SAFB: variants seen among roughly 807,000 people sequenced by gnomAD.
The protein encoded by SAFB is scaffold attachment factor B, also known as scaffold attachment factor B1.
A neutral mutation model predicts 101.6 loss-of-function variants in SAFB; 15 were observed. That is an observed-to-expected ratio of 0.15 (90% CI 0.10 to 0.23). The LOEUF is 0.23. Ranked by LOEUF, SAFB falls within the 10% of genes least tolerant of loss-of-function variation. The probability of loss-of-function intolerance (pLI) is 1.00; values close to 1 mark genes in which losing one functional copy is unlikely to be tolerated. For missense variants in SAFB, 930 were observed against 1,104.1 expected (o/e 0.84, Z 2.23); for synonymous variants, 449 against 407.5 (o/e 1.10, Z -1.23).
intron 2 of SAFB, among the ~76,000 whole-genome samples, chr19:5,633,687 G>A (rs1396874790): frequency 5.9e-5 from 9 of 152,064 alleles, no homozygotes; most frequent in Non-Finnish European, 1.3e-4. Flanking sequence ...GCTGAGGCAG[G>A]AGAATGGCGT....
intron 10 of SAFB, 26 bp from the exon 11 acceptor site, chr19:5,653,312 G>C: frequency 6.2e-7 from 1 of 1,614,030 alleles, no homozygotes; most frequent in Non-Finnish European, 8.5e-7. Context: ...TAGGAAATGG[G>C]GGTAATACTT....
chr19:5,630,493 G>A (rs2053465812), intron 2 of SAFB, among the ~76,000 whole-genome samples: 1 of 152,170 alleles, frequency 6.6e-6, no homozygotes, highest in African/African-American at 2.4e-5. Flanking sequence ...TGTAAGGCCA[G>A]GTGCGGTGGC....
chr19:5,644,840 G>A (rs1296037783), intron 4 of SAFB, among the ~76,000 whole-genome samples: 4 of 152,134 alleles, frequency 2.6e-5, no homozygotes, highest in East Asian at 1.9e-4. Flanking sequence ...TGCCAGTCTC[G>A]AGCTCCTGTC....
At chr19:5,624,720 C>G (rs1215483050) in intron 1 of SAFB, among the ~76,000 whole-genome samples, 1 of 149,628 alleles carries the variant, frequency 6.7e-6, no homozygotes, top group African/African-American at 2.5e-5. Context: ...GATGAGAAAC[C>G]CTGGGCTCAA....
chr19:5,660,341 C>CT (rs1319670285), intron 14 of SAFB, among the ~76,000 whole-genome samples: 4 of 107,160 alleles, frequency 3.7e-5, no homozygotes, highest in South Asian at 3.3e-4. Context: ...CCTGCACACA[C>CT]CTTTTTTTTT....
intron 2 of SAFB, among the ~76,000 whole-genome samples, chr19:5,632,491 C>G (rs1054711793): frequency 3.3e-5 from 5 of 152,168 alleles, no homozygotes; most frequent in African/African-American, 1.2e-4. Context: ...ACTGCCACCT[C>G]GTCTTAGTCC....
At chr19:5,664,768 G>C in intron 17 of SAFB, 1 of 308,828 alleles carries the variant, frequency 3.2e-6, no homozygotes, top group South Asian at 3.1e-5. Context: ...GAGCCGCACA[G>C]CTGACTCAGA....
At chr19:5,640,738 C>A (rs574186574) in intron 2 of SAFB, among the ~76,000 whole-genome samples, 3 of 151,864 alleles carry the variant, frequency 2.0e-5, no homozygotes, top group African/African-American at 7.2e-5. Flanking sequence ...TACTGGCAAC[C>A]GCCACCACAA....
chr19:5,664,495 C>T lies in SAFB; in HGVS notation c.2334+56C>T, dbSNP rs554006670. ...AATTTCCCATAGAATGGGTTCTTTTCCCTTCAGCGTGCCTTCTTCCTGCCC... is the reference window on the plus strand; with the variant it reads ...AATTTCCCATAGAATGGGTTCTTTTTCCTTCAGCGTGCCTTCTTCCTGCCC... On this transcript the variant is annotated intron_variant, in intron 17 of 20. Transcript: ENST00000588852. The T allele has an allele frequency of 1.2e-5, 16 of 1,358,906 alleles. No homozygotes were observed. In the South Asian group the frequency reaches 1.5e-4, roughly 13 times the overall value. The allele number at this position is 1,358,906 out of a possible 1,614,324, so 84.2% of individuals were successfully genotyped here.
At chr19:5,633,290 T>C (rs1257357176) in intron 2 of SAFB, among the ~76,000 whole-genome samples, 1 of 152,256 alleles carries the variant, frequency 6.6e-6, no homozygotes, top group Non-Finnish European at 1.5e-5. Context: ...TACTACAATG[T>C]GCAAAACGTT....
chr19:5,628,964 A>C (rs2053428703), intron 2 of SAFB, among the ~76,000 whole-genome samples: 1 of 151,974 alleles, frequency 6.6e-6, no homozygotes, highest in African/African-American at 2.4e-5. Context: ...GTGGGTTCTC[A>C]CTCTGTCACT....
At chr19:5,641,460 G>A (rs767287844) in intron 2 of SAFB, 134 bp from the exon 3 acceptor site, 1 of 712,668 alleles carries the variant, frequency 1.4e-6, no homozygotes, top group Non-Finnish European at 2.5e-6. Flanking sequence ...CTCATTCCTG[G>A]ATTAGGAAGT....
rs899578515 is a variant in SAFB at position 5,667,673 on chromosome 19, A to G, written c.2558-147A>G. 7.8e-5 allele frequency: 61 copies of G among 780,552 alleles called. No homozygotes were observed. Among genetic ancestry groups the G allele is most frequent in the South Asian group, 1.6e-4 (10 of 60,706 alleles). The allele number at this position is 780,552 out of a possible 1,614,324, so 48.4% of individuals were successfully genotyped here. On this transcript the variant is annotated intron_variant, in intron 19 of 20. Transcript: ENST00000588852. This position sits in a 1 kb window ranked among gnomAD's most constrained non-coding sequence, Gnocchi z 4.0. Reference sequence around the variant, plus strand: ...TCTGCTGGGAGGAAGCTGGACGTCTATGGTCCCTGTGCCCAGGTGTCTTCC... The same window carrying G: ...TCTGCTGGGAGGAAGCTGGACGTCTGTGGTCCCTGTGCCCAGGTGTCTTCC...
chr19:5,645,019 A>G (rs1271019560), intron 4 of SAFB, among the ~76,000 whole-genome samples: 2 of 152,252 alleles, frequency 1.3e-5, no homozygotes, highest in Admixed American at 6.5e-5. Context: ...CCCTGTGCTC[A>G]GATCCACTTA....
intron 2 of SAFB, among the ~76,000 whole-genome samples, chr19:5,634,287 A>C (rs1034622331): frequency 1.3e-5 from 2 of 152,042 alleles, no homozygotes. Context: ...AATGTGTTCC[A>C]TAATAGTCTA....
chr19:5,667,517 TTC>T lies in SAFB; in HGVS notation c.2557+72_2557+73del. On this transcript the variant is annotated intron_variant, in intron 19 of 20. Transcript: ENST00000588852. The surrounding 1 kb of genome is among the most constrained non-coding windows in gnomAD (Gnocchi z 4.0). Reference sequence around the variant, plus strand: ...GTGATGGAAAGATGGAGGCCGCGCCTTCTCTCCTTGGGGGAGCACAGGAGGTG... The same window carrying T: ...GTGATGGAAAGATGGAGGCCGCGCCTTCTCCTTGGGGGAGCACAGGAGGTG... The T allele has an allele frequency of 1.6e-5, 18 of 1,159,922 alleles. No individual in the cohort carries two copies. Among genetic ancestry groups the T allele is most frequent in the Non-Finnish European group, 2.1e-5 (17 of 816,600 alleles). The allele number at this position is 1,159,922 out of a possible 1,614,324, so 71.9% of individuals were successfully genotyped here. A position where few individuals can be genotyped will look rare whatever the true frequency, so the allele number is the denominator to read the frequency against.
At chr19:5,635,817 G>A (rs1403619213) in intron 2 of SAFB, among the ~76,000 whole-genome samples, 1 of 152,098 alleles carries the variant, frequency 6.6e-6, no homozygotes, top group African/African-American at 2.4e-5. Flanking sequence ...ACAAACTAGG[G>A]TGAAGAGCTG....
chr19:5,647,486 G>C (rs1000800858), intron 5 of SAFB, among the ~76,000 whole-genome samples: 3 of 152,190 alleles, frequency 2.0e-5, no homozygotes, highest in Non-Finnish European at 4.4e-5. Context: ...TCTAGAACTG[G>C]CCTGGTGGGA....
chr19:5,649,896 T>G, intron 7 of SAFB, 30 bp from the exon 8 acceptor site: 1 of 1,604,572 alleles, frequency 6.2e-7, no homozygotes, highest in Non-Finnish European at 8.5e-7. Flanking sequence ...TGCTGCTTCC[T>G]TGTGGAGTGA....
Sources: gnomAD v4.1 joint callset for allele counts (sites outside exome capture counted in the v4.1 genomes callset) on GRCh38, gnomAD v4.1.1 for gene constraint, Gnocchi (gnomAD v3.1) non-coding constraint, MANE v1.5 for transcripts, NCBI Gene and HGNC (gene_info 2026-07-23, HGNC 2026-07-21) for gene names.